Variants in CEP97 observed in about 807,000 individuals in gnomAD.
CEP97 encodes centrosomal protein of 97 kDa.
A neutral mutation model predicts 73.1 loss-of-function variants in CEP97; 43 were observed. The ratio of observed to expected loss-of-function variants is 0.59; its 90% confidence interval spans 0.46 to 0.76. CEP97 has a LOEUF of 0.76. Among genes scored for constraint, CEP97 ranks in the 30% least tolerant of loss-of-function variants. The probability of loss-of-function intolerance (pLI) is 0.00; values close to 1 mark genes in which losing one functional copy is unlikely to be tolerated. For synonymous variants in CEP97, 337 were observed against 370.0 expected, an observed-to-expected ratio of 0.91 and a Z score of 1.02; for missense variants, 939 against 1,014.0, an observed-to-expected ratio of 0.93 and a Z score of 1.00.
At chr3:101,731,254 G>A (rs1938100548) in intron 4 of CEP97, among the ~76,000 whole-genome samples, 1 of 147,076 alleles carries the variant, frequency 6.8e-6, no homozygotes, top group Non-Finnish European at 1.5e-5. Context: ...AGGCTCGAGT[G>A]CAGTGGTGCA....
chr3:101,734,079 G>A (rs933390776), intron 6 of CEP97, among the ~76,000 whole-genome samples: 1 of 152,194 alleles, frequency 6.6e-6, no homozygotes, highest in African/African-American at 2.4e-5. Context: ...GCCCGCCTCG[G>A]CCTCCCAAAG....
At chr3:101,742,611 G>A (rs1418296833) in intron 6 of CEP97, among the ~76,000 whole-genome samples, 1 of 152,078 alleles carries the variant, frequency 6.6e-6, no homozygotes, top group Non-Finnish European at 1.5e-5. Flanking sequence ...GGGAGTGATA[G>A]CATTAGGAGA....
chr3:101,750,068 C>T (rs1218994475), intron 6 of CEP97, among the ~76,000 whole-genome samples: 2 of 143,078 alleles, frequency 1.4e-5, no homozygotes, highest in East Asian at 2.0e-4. Context: ...AAGTCCTTGC[C>T]CATGCCTATG....
rs377037537 is a variant in CEP97 at position 101,724,680 on chromosome 3, G to C, written c.4G>C (p.Ala2Pro). 6.2e-7 allele frequency: 1 copy of C among 1,614,110 alleles called. No individual in the cohort carries two copies. The highest frequency in any genetic ancestry group is 8.5e-7 in the Non-Finnish European group (1 of 1,180,046). M[A>P]VARVDAALPP... ...GTATTATTAGCAAGCAGCAAATATGGCGGTGGCGCGCGTGGACGCGGCTTT... is the reference window on the plus strand; with the variant it reads ...GTATTATTAGCAAGCAGCAAATATGCCGGTGGCGCGCGTGGACGCGGCTTT... Residue 2 changes from alanine (A) to proline (P), a missense_variant, in exon 1 of 11, where the codon GCG (alanine) becomes CCG (proline). Transcript: ENST00000341893.
intron 10 of CEP97, 46 bp downstream of exon 10, chr3:101,762,606 A>T: frequency 7.2e-7 from 1 of 1,389,178 alleles, no homozygotes; most frequent in Non-Finnish European, 1.0e-6. Context: ...TCAAATACAG[A>T]TTCTATATTC....
At chr3:101,734,116 G>A (rs1230562481) in intron 6 of CEP97, among the ~76,000 whole-genome samples, 4 of 152,204 alleles carry the variant, frequency 2.6e-5, no homozygotes, top group Non-Finnish European at 2.9e-5. Flanking sequence ...ATGAGCCACT[G>A]CACCTGGCCA....
At chr3:101,764,611 CAA>C (rs35660615) in intron 10 of CEP97, among the ~76,000 whole-genome samples, 20 of 96,442 alleles carry the variant, frequency 2.1e-4, no homozygotes, top group Admixed American at 4.4e-4. Context: ...AACTCCATCT[CAA>C]AAAAAAAAAA....
chr3:101,749,738 AT>A (rs1938744085), intron 6 of CEP97, among the ~76,000 whole-genome samples: 2 of 147,066 alleles, frequency 1.4e-5, no homozygotes, highest in Non-Finnish European at 3.0e-5. Context: ...CATTTCTCTG[AT>A]GGCCAGTGAT....
intron 6 of CEP97, among the ~76,000 whole-genome samples, chr3:101,751,991 T>C (rs1311024977): frequency 6.6e-6 from 1 of 152,172 alleles, no homozygotes; most frequent in Non-Finnish European, 1.5e-5. Flanking sequence ...CTAGCCTTGA[T>C]GGTCTTTACA....
intron 1 of CEP97, among the ~76,000 whole-genome samples, chr3:101,725,743 C>T (rs1040610652): frequency 6.6e-6 from 1 of 152,122 alleles, no homozygotes; most frequent in African/African-American, 2.4e-5. Context: ...TCTCTGGCCC[C>T]GCCCTCTTTG....
Position 101,732,522 on chromosome 3 carries a change from A to T in CEP97, c.596A>T (p.Gln199Leu). ...SFLASLTELEQLSIMNNPCVM... is the reference protein window; with the variant it reads ...SFLASLTELELLSIMNNPCVM... ...TTGGCATCCTTAACTGAATTGGAAC[A>T]GTTGTCGATTATGAACAATCCTTGT... The change falls in exon 6 of 11, where the codon CAG becomes CTG. Residue 199 changes from glutamine to leucine, a missense_variant. Physicochemically the swap from Gln to Leu is moderately radical, Grantham distance 113 (BLOSUM62 -2). Transcript: ENST00000341893. 1 of 1,612,200 alleles carries T rather than the reference A, an allele frequency of 6.2e-7. No homozygotes were observed. Among genetic ancestry groups the T allele is most frequent in the South Asian group, 1.1e-5 (1 of 90,922 alleles).
At chr3:101,744,454 A>G (rs938050967) in intron 6 of CEP97, among the ~76,000 whole-genome samples, 2 of 151,786 alleles carry the variant, frequency 1.3e-5, no homozygotes, top group Non-Finnish European at 2.9e-5. Context: ...GTGGTAGCAC[A>G]TGCCTGTAAT....
At chr3:101,755,671 G>A in intron 7 of CEP97, 77 bp downstream of exon 7, 1 of 1,449,068 alleles carries the variant, frequency 6.9e-7, no homozygotes, top group South Asian at 1.2e-5. Context: ...GTGATAGTAA[G>A]CCTGAGGCAA....
chr3:101,747,910 G>A (rs954621255), intron 6 of CEP97, among the ~76,000 whole-genome samples: 3 of 151,410 alleles, frequency 2.0e-5, no homozygotes, highest in African/African-American at 7.3e-5. Context: ...ATCACTTGAA[G>A]TCAGCAGTTC....
Position 101,726,667 on chromosome 3 carries a change from C to G in CEP97, c.117C>G (p.His39Gln), listed in dbSNP as rs201833020. Residue 39 changes from histidine (H) to glutamine (Q), a missense_variant, in exon 2 of 11, where the codon CAC (histidine) becomes CAG (glutamine). Physicochemically the swap from His to Gln is conservative, Grantham distance 24 (BLOSUM62 0). Coordinates refer to ENST00000341893, the MANE Select transcript of CEP97 (RefSeq NM_024548.4). Reference sequence around the variant, plus strand: ...ATTTACCCTGTGAAGCTGATATTCACACTTTGATTCTGGATAAAAATCAGA... The same window carrying G: ...ATTTACCCTGTGAAGCTGATATTCAGACTTTGATTCTGGATAAAAATCAGA... The part of the protein sequence containing the change: ...GPNLPCEADI[H>Q]TLILDKNQII... 1.2e-4 allele frequency: 190 copies of G among 1,607,112 alleles called. No individual in the cohort carries two copies. The highest frequency in any genetic ancestry group is 1.5e-4 in the Non-Finnish European group (175 of 1,174,434).
intron 10 of CEP97, 122 bp from the exon 11 acceptor site, chr3:101,764,725 G>T (rs1939262598): frequency 1.3e-6 from 1 of 785,450 alleles, no homozygotes; most frequent in Admixed American, 3.0e-5. Flanking sequence ...TGATGCTGCA[G>T]TGAGCCATGA....
Position 101,739,143 on chromosome 3 carries a change from A to G in CEP97, c.728+6489A>G, listed in dbSNP as rs551928427. ...AGGAAGAAGTCAGAGCCCTGAATAG[A>G]TCAATAACAAGTTCTGATATTGAGG... On this transcript the variant is annotated intron_variant, in intron 6 of 10. Transcript: ENST00000341893. Among the ~76,000 whole-genome samples the G allele has an allele frequency of 1.3e-4, 20 of 152,330 alleles. No individual in the cohort carries two copies. In the South Asian group the frequency reaches 4.1e-3, roughly 32 times the overall value.
intron 7 of CEP97, among the ~76,000 whole-genome samples, chr3:101,756,387 A>G (rs945605828): frequency 2.1e-5 from 3 of 145,484 alleles, no homozygotes; most frequent in African/African-American, 7.7e-5. Context: ...TTTTTGAGGC[A>G]GGAGCTCACT....
At chr3:101,731,982 C>A in intron 5 of CEP97, 29 bp downstream of exon 5, 1 of 1,287,476 alleles carries the variant, frequency 7.8e-7, no homozygotes, top group South Asian at 1.2e-5. Flanking sequence ...TTGTGAGATT[C>A]AGGAAGCTGG....
Sources: gnomAD v4.1 joint callset for allele counts (sites outside exome capture counted in the v4.1 genomes callset) on GRCh38, gnomAD v4.1.1 for gene constraint, MANE v1.5 for transcripts, NCBI Gene and HGNC (gene_info 2026-07-23, HGNC 2026-07-21) for gene names.